KCNJ6: variants seen among roughly 807,000 people sequenced by gnomAD.
KCNJ6 encodes potassium inwardly rectifying channel subfamily J member 6, also known as G protein-activated inward rectifier potassium channel 2.
In KCNJ6, 9 loss-of-function variants were observed where a neutral mutation model predicts 34.2. That is an observed-to-expected ratio of 0.26 (90% CI 0.16 to 0.46). The LOEUF (loss-of-function observed/expected upper bound fraction) is 0.46, where lower values mean the gene tolerates loss of function less well. Among genes scored for constraint, KCNJ6 ranks in the 20% least tolerant of loss-of-function variants. The pLI is 1.00. For synonymous variants in KCNJ6, 196 were observed against 207.1 expected (o/e 0.95, Z 0.46); for missense variants, 236 against 531.3 (o/e 0.44, Z 5.46).
chr21:37,914,987 T>G lies in KCNJ6; in HGVS notation c.-28+897A>C, dbSNP rs1000621806. Among the ~76,000 whole-genome samples, 42 of 152,130 alleles carry G rather than the reference T, an allele frequency of 2.8e-4. 1 individual carries two copies. Among genetic ancestry groups the G allele is most frequent in the Admixed American group, 2.6e-3 (40 of 15,296 alleles). ...TCTTTGGAAAATTCTGGTATTTTGTTTCTCCACTAACCTCACCCTCTGTGG... is the reference window on the plus strand; with the variant it reads ...TCTTTGGAAAATTCTGGTATTTTGTGTCTCCACTAACCTCACCCTCTGTGG... On this transcript the variant is annotated intron_variant, in intron 1 of 3. Transcript: ENST00000609713.
At chr21:37,912,787 AAC>A (rs1207781124) in intron 1 of KCNJ6, among the ~76,000 whole-genome samples, 2 of 152,240 alleles carry the variant, frequency 1.3e-5, no homozygotes, top group African/African-American at 2.4e-5. Context: ...GGAAGGTAGA[AAC>A]ACACTGCTTT....
chr21:37,911,642 C>G (rs943216760), intron 1 of KCNJ6, among the ~76,000 whole-genome samples: 1 of 152,200 alleles, frequency 6.6e-6, no homozygotes, highest in Non-Finnish European at 1.5e-5. Context: ...CCCTCACTTT[C>G]TTCTTTCCTC....
chr21:37,685,020 T>C (rs1273281018), intron 3 of KCNJ6, among the ~76,000 whole-genome samples: 1 of 152,088 alleles, frequency 6.6e-6, no homozygotes, highest in African/African-American at 2.4e-5. Flanking sequence ...ATGAAAGATA[T>C]CTGCAAAACA....
At chr21:37,735,995 G>A (rs1192566748) in intron 2 of KCNJ6, among the ~76,000 whole-genome samples, 2 of 149,192 alleles carry the variant, frequency 1.3e-5, no homozygotes, top group Admixed American at 1.3e-4. Flanking sequence ...CCCCCTCCGG[G>A]CTCTGACTTT....
chr21:37,657,569 G>T (rs945410335), intron 3 of KCNJ6, among the ~76,000 whole-genome samples: 1 of 152,176 alleles, frequency 6.6e-6, no homozygotes, highest in Non-Finnish European at 1.5e-5. Flanking sequence ...CTTGACAGGG[G>T]TTCACTAGGA....
At chr21:37,888,437 A>C (rs1042850545) in intron 1 of KCNJ6, among the ~76,000 whole-genome samples, 1 of 152,260 alleles carries the variant, frequency 6.6e-6, no homozygotes, top group Non-Finnish European at 1.5e-5. Context: ...TACAAGGGCC[A>C]GATGGATTTT....
chr21:37,692,878 G>C (rs2054646181), intron 3 of KCNJ6, among the ~76,000 whole-genome samples: 1 of 152,194 alleles, frequency 6.6e-6, no homozygotes, highest in Non-Finnish European at 1.5e-5. Flanking sequence ...CGAAAGGGTA[G>C]CATTAGATAT....
In KCNJ6 at chr21:37,894,622, C is replaced by T. The variant is rs150800180; in HGVS notation, c.-28+21262G>A. ...GAGGTTGCAATGAGCTGAGTTCGTG[C>T]CACTGCACTCCAGCCTGGGCGACAG... On this transcript the variant is annotated intron_variant, in intron 1 of 3. Transcript: ENST00000609713. Among the ~76,000 whole-genome samples the T allele has an allele frequency of 1.3e-3, 202 of 152,250 alleles. 1 individual carries two copies. Among genetic ancestry groups the T allele is most frequent in the African/African-American group, 4.6e-3 (190 of 41,540 alleles).
intron 2 of KCNJ6, among the ~76,000 whole-genome samples, chr21:37,765,773 ACTT>A (rs1418851174): frequency 2.6e-5 from 4 of 152,226 alleles, no homozygotes; most frequent in Admixed American, 6.5e-5. Flanking sequence ...GTTCTAACAC[ACTT>A]CTTCATCTTC....
chr21:37,818,547 G>A (rs17815123), intron 2 of KCNJ6, among the ~76,000 whole-genome samples: 1,625 of 152,134 alleles, frequency 0.011, 18 homozygotes, highest in Non-Finnish European at 0.018. Flanking sequence ...CTCCTCCCAT[G>A]TCACTAAATG....
intron 2 of KCNJ6, among the ~76,000 whole-genome samples, chr21:37,785,393 G>A (rs1000506432): frequency 2.6e-5 from 4 of 152,178 alleles, no homozygotes; most frequent in South Asian, 2.1e-4. Context: ...AGTAAACCAC[G>A]TGGCAGTTTC....
chr21:37,723,780 G>A (rs561834832), intron 2 of KCNJ6, among the ~76,000 whole-genome samples: 5 of 152,194 alleles, frequency 3.3e-5, no homozygotes, highest in East Asian at 1.9e-4. Flanking sequence ...AAGGAGGGAC[G>A]GGCTCAAGGG....
rs1215168131 is a variant in KCNJ6 at position 37,611,734 on chromosome 21, A to G, written c.*13425T>C. ...AATATCAACAGGCAAAAGAAGAAAA[A>G]TTGCATGATCATATCAACAGATGCA... On this transcript the variant is annotated 3_prime_UTR_variant, in exon 4 of 4. Coordinates refer to ENST00000609713, the MANE Select transcript of KCNJ6 (RefSeq NM_002240.5). 6.6e-6 allele frequency: 1 copy of G among 152,198 alleles called. No individual in the cohort carries two copies. The highest frequency in any genetic ancestry group is 1.5e-5 in the Non-Finnish European group (1 of 68,020). 9.4% of individuals were successfully genotyped at this position (152,198 alleles called of 1,614,324 possible).
At chr21:37,662,667 TC>T (rs779473746) in intron 3 of KCNJ6, among the ~76,000 whole-genome samples, 2 of 152,202 alleles carry the variant, frequency 1.3e-5, no homozygotes, top group Non-Finnish European at 2.9e-5. Flanking sequence ...TGGTTCTAGG[TC>T]TTTGAGGAAT....
intron 1 of KCNJ6, among the ~76,000 whole-genome samples, chr21:37,867,304 G>A (rs151073268): frequency 9.8e-5 from 15 of 152,302 alleles, no homozygotes; most frequent in African/African-American, 2.2e-4. Flanking sequence ...AGGCAGCATC[G>A]CACTCAGAGT....
At chr21:37,742,880 A>G (rs1016058095) in intron 2 of KCNJ6, among the ~76,000 whole-genome samples, 1 of 152,060 alleles carries the variant, frequency 6.6e-6, no homozygotes, top group Non-Finnish European at 1.5e-5. Flanking sequence ...CAAACCTTCC[A>G]TCTCTTCTCT....
intron 1 of KCNJ6, among the ~76,000 whole-genome samples, chr21:37,899,994 T>C (rs2055808856): frequency 6.6e-6 from 1 of 152,228 alleles, no homozygotes; most frequent in Non-Finnish European, 1.5e-5. Flanking sequence ...CTGTCCAGCT[T>C]CTTTGAATGT....
chr21:37,732,659 G>A (rs2054891886), intron 2 of KCNJ6, among the ~76,000 whole-genome samples: 1 of 152,178 alleles, frequency 6.6e-6, no homozygotes, highest in Non-Finnish European at 1.5e-5. Flanking sequence ...GGAAAGAATA[G>A]TCAATCCAAA....
At chr21:37,892,708 T>A (rs1012072262) in intron 1 of KCNJ6, among the ~76,000 whole-genome samples, 1 of 152,180 alleles carries the variant, frequency 6.6e-6, no homozygotes, top group African/African-American at 2.4e-5. Flanking sequence ...GCTTAGGATG[T>A]CTATGGCAAC....
Sources: allele counts gnomAD v4.1 joint callset (sites outside exome capture counted in the v4.1 genomes callset), GRCh38; gene constraint gnomAD v4.1.1; transcripts MANE v1.5; gene names NCBI Gene and HGNC (gene_info 2026-07-23, HGNC 2026-07-21).